The following TACR1 variants were observed in gnomAD, a reference collection of about 807,000 sequenced individuals.
The protein encoded by TACR1 is tachykinin receptor 1.
TACR1 carries 25 observed loss-of-function variants against 35.8 expected under a neutral mutation model. The observed-to-expected ratio is 0.70, with a 90% CI of 0.51 to 0.98. The LOEUF is 0.98. Ranked by LOEUF, TACR1 falls within the 50% of genes least tolerant of loss-of-function variation. The pLI, the probability that TACR1 is intolerant of heterozygous loss-of-function variation, is 0.00. For missense variants in TACR1, 478 were observed against 522.9 expected (o/e 0.91, Z 0.84); for synonymous variants, 195 against 206.7 (o/e 0.94, Z 0.48).
chr2:75,182,259 C>G (rs756952952), intron 1 of TACR1, among the ~76,000 whole-genome samples: 6 of 152,208 alleles, frequency 3.9e-5, no homozygotes, highest in South Asian at 2.1e-4. Flanking sequence ...TCCTGTACCC[C>G]CATTGCCCCA....
chr2:75,127,937 C>T (rs1674105891), intron 1 of TACR1, among the ~76,000 whole-genome samples: 1 of 152,180 alleles, frequency 6.6e-6, no homozygotes, highest in African/African-American at 2.4e-5. Context: ...ATTGAATACC[C>T]TCCCATACTC....
intron 2 of TACR1, among the ~76,000 whole-genome samples, chr2:75,096,487 T>C (rs898209987): frequency 3.9e-5 from 6 of 152,182 alleles, no homozygotes; most frequent in African/African-American, 1.4e-4. Flanking sequence ...TTGGGGTAAA[T>C]TTCTTGATCA....
intron 2 of TACR1, among the ~76,000 whole-genome samples, chr2:75,056,004 G>T (rs1424244817): frequency 6.6e-6 from 1 of 152,210 alleles, no homozygotes; most frequent in East Asian, 1.9e-4. Context: ...AGTGCCCAAA[G>T]GTATTCATTC....
At position 75,053,733 on chromosome 2, in the gene TACR1, G is replaced by T; in HGVS notation, c.607C>A (p.Leu203Met). The change falls in exon 3 of 5, where the codon CTG (leucine) becomes ATG (methionine). Residue 203 changes from leucine to methionine, a missense_variant. Physicochemically the swap from Leu to Met is conservative, Grantham distance 15. Coordinates refer to ENST00000305249, the MANE Select transcript of TACR1 (RefSeq NM_001058.4). Reference sequence around the variant, plus strand: ...ACCAGCAGGGGGAGGAAGTAGATCAGCACAGTCACACAGATGTGGTACCTA... The same window carrying T: ...ACCAGCAGGGGGAGGAAGTAGATCATCACAGTCACACAGATGTGGTACCTA... ...EKVYHICVTV[L>M]IYFLPLLVIG... is the part of the protein sequence containing the mutation. 1 of 1,614,192 alleles carries T rather than the reference G, an allele frequency of 6.2e-7. No individual in the cohort carries two copies. Among genetic ancestry groups the T allele is most frequent in the Non-Finnish European group, 8.5e-7 (1 of 1,180,022 alleles).
At chr2:75,189,032 A>C (rs1675778017) in intron 1 of TACR1, 1 of 152,200 alleles carries the variant, frequency 6.6e-6, no homozygotes, top group South Asian at 2.1e-4. Flanking sequence ...TTTCATGTCA[A>C]TAAAAAGGTA....
At position 75,071,987 on chromosome 2, in the gene TACR1, A is replaced by G. The variant is rs116459467; in HGVS notation, c.585-18232T>C. On this transcript the variant is annotated intron_variant, in intron 2 of 4. Coordinates refer to ENST00000305249, the MANE Select transcript of TACR1 (RefSeq NM_001058.4). ...ACTGAAGGAGTACGTACGTCATGAA[A>G]AAAATAACTGCAGCAAGCGTAGCAT... 5.5e-3 allele frequency among the ~76,000 whole-genome samples: 841 copies of G among 152,332 alleles called. 6 individuals are homozygous for G. The highest frequency in any genetic ancestry group is 9.5e-3 in the Non-Finnish European group (643 of 68,036).
At chr2:75,113,764 A>G (rs1169363350) in intron 2 of TACR1, among the ~76,000 whole-genome samples, 1 of 152,046 alleles carries the variant, frequency 6.6e-6, no homozygotes, top group Admixed American at 6.6e-5. Flanking sequence ...AGCATAAACA[A>G]TCAATCCTGG....
chr2:75,111,526 A>G (rs1444846414), intron 2 of TACR1, among the ~76,000 whole-genome samples: 1 of 152,056 alleles, frequency 6.6e-6, no homozygotes, highest in Non-Finnish European at 1.5e-5. Context: ...TCTTTGTAAT[A>G]GAATTTGAAG....
intron 1 of TACR1, chr2:75,154,410 G>GCGTGCGCGCGCGCGCGCGCGCGCA (rs1166779798): frequency 5.3e-5 from 4 of 75,364 alleles, no homozygotes; most frequent in African/African-American, 2.0e-4. Context: ...GAGCGCGCAC[G>GCGTGCGCGCGCGCGCGCGCGCGCA]CACACACACA....
At chr2:75,177,501 G>A (rs537462442) in intron 1 of TACR1, among the ~76,000 whole-genome samples, 1 of 152,292 alleles carries the variant, frequency 6.6e-6, no homozygotes, top group Admixed American at 6.5e-5. Context: ...GCCTCTCACT[G>A]TCTGACCATT....
intron 1 of TACR1, among the ~76,000 whole-genome samples, chr2:75,123,857 T>A (rs998887387): frequency 6.6e-6 from 1 of 152,206 alleles, no homozygotes; most frequent in Non-Finnish European, 1.5e-5. Context: ...ACTCCCCACT[T>A]CTAGCTAGGA....
In TACR1 at chr2:75,198,892, T is replaced by C; in HGVS notation, c.43A>G (p.Ile15Val). The change falls in exon 1 of 5, where the codon ATC becomes GTC. Residue 15 changes from isoleucine to valine, a missense_variant. Physicochemically the swap from Ile to Val is conservative, Grantham distance 29. Coordinates refer to ENST00000305249, the MANE Select transcript of TACR1 (RefSeq NM_001058.4). ...LPVDSDLSPNISTNTSEPNQF... is the reference protein window; with the variant it reads ...LPVDSDLSPNVSTNTSEPNQF... ...TTGGGTTCCGAGGTGTTAGTGGAGA[T>C]GTTTGGGGAGAGGTCTGAGTCCACC... 6.2e-7 allele frequency: 1 copy of C among 1,613,834 alleles called. No homozygotes were observed. Among genetic ancestry groups the C allele is most frequent in the Non-Finnish European group, 8.5e-7 (1 of 1,180,020 alleles).
intron 1 of TACR1, among the ~76,000 whole-genome samples, chr2:75,178,640 C>T (rs1265469091): frequency 1.3e-5 from 2 of 152,162 alleles, no homozygotes; most frequent in Non-Finnish European, 2.9e-5. Context: ...TCTGTTAGCT[C>T]ACCACTTTAA....
At chr2:75,143,796 A>C (rs1038510858) in intron 1 of TACR1, among the ~76,000 whole-genome samples, 23 of 152,226 alleles carry the variant, frequency 1.5e-4, no homozygotes, top group Non-Finnish European at 1.0e-4. Flanking sequence ...GCTTACTCAC[A>C]GCATTGTATT....
In TACR1 at chr2:75,199,137, G is replaced by T; in HGVS notation, c.-203C>A. On this transcript the variant is annotated 5_prime_UTR_variant, in exon 1 of 5. Coordinates refer to ENST00000305249, the MANE Select transcript of TACR1 (RefSeq NM_001058.4). ...GATGCACTGCCCGCCTGCCCGCGGTGGCTCTGAATTCCTCCACTTTCAAGC... is the reference window on the plus strand; with the variant it reads ...GATGCACTGCCCGCCTGCCCGCGGTTGCTCTGAATTCCTCCACTTTCAAGC... 1.7e-6 allele frequency: 1 copy of T among 603,226 alleles called. No homozygotes were observed. The highest frequency in any genetic ancestry group is 2.8e-6 in the Non-Finnish European group (1 of 353,896). 37.4% of individuals were successfully genotyped at this position (603,226 alleles called of 1,614,324 possible).
chr2:75,154,856 G>C (rs760080104), intron 1 of TACR1, among the ~76,000 whole-genome samples: 1 of 151,900 alleles, frequency 6.6e-6, no homozygotes, highest in Non-Finnish European at 1.5e-5. Context: ...CCCTCCTTTC[G>C]GCCCATCCTC....
chr2:75,049,188 T>C lies in TACR1; in HGVS notation c.*244A>G. 2.0e-6 allele frequency: 1 copy of C among 498,834 alleles called. No individual in the cohort carries two copies. The highest frequency in any genetic ancestry group is 3.5e-6 in the Non-Finnish European group (1 of 285,114). The allele number at this position is 498,834 out of a possible 1,614,324, so 30.9% of individuals were successfully genotyped here. The stretch of plus-strand genomic sequence containing the variant: ...TTTGGGAAAAGCTGGTCCGACCTTT[T>C]ATTTTACAGGCTCAGCAAAGTTCAG... On this transcript the variant is annotated 3_prime_UTR_variant, in exon 5 of 5. Transcript: ENST00000305249.
chr2:75,140,754 G>T (rs578257089), intron 1 of TACR1, among the ~76,000 whole-genome samples: 14 of 152,342 alleles, frequency 9.2e-5, no homozygotes, highest in Non-Finnish European at 1.8e-4. Context: ...ACCAGGTTGT[G>T]TGTGAATTAT....
intron 1 of TACR1, among the ~76,000 whole-genome samples, chr2:75,144,003 C>T (rs922992494): frequency 7.2e-5 from 11 of 152,204 alleles, no homozygotes; most frequent in African/African-American, 2.7e-4. Flanking sequence ...AGGATCAATT[C>T]CTCACCTGCT....
Sources: allele counts gnomAD v4.1 joint callset (sites outside exome capture counted in the v4.1 genomes callset), GRCh38; gene constraint gnomAD v4.1.1; transcripts MANE v1.5; gene names NCBI Gene and HGNC (gene_info 2026-07-23, HGNC 2026-07-21).